Variants in MGAM2 observed in about 807,000 individuals in gnomAD.
MGAM2 encodes the protein maltase-glucoamylase 2 (putative), also known as probable maltase-glucoamylase 2.
In MGAM2, 98 loss-of-function variants were observed where a neutral mutation model predicts 96.1. That is an observed-to-expected ratio of 1.02 (90% CI 0.87 to 1.21). MGAM2 has a LOEUF of 1.21. Among genes scored for constraint, MGAM2 ranks in the 50% most tolerant of loss-of-function variants. MGAM2 has a pLI of 0.00. For synonymous variants in MGAM2, 749 were observed against 414.8 expected (o/e 1.81, Z -9.79); for missense variants, 2,055 against 1,182.4 (o/e 1.74, Z -10.82).
chr7:142,113,603 G>A (rs1176104153), intron 1 of MGAM2, among the ~76,000 whole-genome samples: 1 of 152,082 alleles, frequency 6.6e-6, no homozygotes, highest in Non-Finnish European at 1.5e-5. Flanking sequence ...AAATTGGCAG[G>A]AACTGGGAGT....
chr7:142,176,496 G>A (rs1288781263), intron 32 of MGAM2, among the ~76,000 whole-genome samples: 1 of 152,112 alleles, frequency 6.6e-6, no homozygotes, highest in Non-Finnish European at 1.5e-5. Flanking sequence ...GTCTAAATTA[G>A]CAAGGCAGTG....
Position 142,116,308 on chromosome 7 carries a change from G to T in MGAM2, c.1-566G>T, listed in dbSNP as rs142181125. Reference sequence around the variant, plus strand: ...GCCACGAAATTTATGTGAGTTGTTTGCTGTGAACCTCCCAGCAAGACTTAT... The same window carrying T: ...GCCACGAAATTTATGTGAGTTGTTTTCTGTGAACCTCCCAGCAAGACTTAT... On this transcript the variant is annotated intron_variant, in intron 1 of 47. Coordinates refer to ENST00000477922, the MANE Select transcript of MGAM2 (RefSeq NM_001293626.2). Among the ~76,000 whole-genome samples the T allele has an allele frequency of 1.6e-3, 251 of 152,284 alleles. 4 individuals are homozygous for T. In the South Asian group the frequency reaches 0.034, roughly 20 times the overall value.
chr7:142,141,104 C>A lies in MGAM2; in HGVS notation c.1302C>A (p.Gly434=). The part of the protein sequence containing the change: ...LKRVWILGSN[G]FAVGEGYPGP... ...GAGTGTGGATCTTGGGGAGCAATGG[C>A]TTTGCTGTTGGGGAGGTAATTTCTT... is the stretch of plus-strand genomic sequence containing the variant. Residue 434 remains glycine (G), a synonymous_variant, in exon 12 of 48, where the codon GGC becomes GGA. Coordinates refer to ENST00000477922, the MANE Select transcript of MGAM2 (RefSeq NM_001293626.2). 1.5e-6 allele frequency: 1 copy of A among 677,520 alleles called. No individual in the cohort carries two copies. Among genetic ancestry groups the A allele is most frequent in the Non-Finnish European group, 2.7e-6 (1 of 373,250 alleles). The allele number at this position is 677,520 out of a possible 1,614,324, so 42.0% of individuals were successfully genotyped here.
At chr7:142,172,610 C>T in intron 29 of MGAM2, 42 bp from the exon 30 acceptor site, 1 of 651,546 alleles carries the variant, frequency 1.5e-6, no homozygotes, top group Non-Finnish European at 2.8e-6. Flanking sequence ...GGGCAATTTA[C>T]AACTCCAAGG....
rs1365169352 is a variant in MGAM2, at chr7:142,220,285, C to A, written c.5774C>A (p.Pro1925Gln). The change falls in exon 48 of 48, where the codon CCA becomes CAA. Residue 1925 changes from proline to glutamine, a missense_variant. By Grantham distance (76) the Pro-to-Gln change is moderately conservative (BLOSUM62 -1). Transcript: ENST00000477922. The part of the protein sequence containing the change: ...ATVPNTTAPF[P>Q]TNASTASTNA... ...GTTCCCAATACAACTGCCCCTTTCCCAACAAATGCTAGTACTGCTAGCACT... is the reference window on the plus strand; with the variant it reads ...GTTCCCAATACAACTGCCCCTTTCCAAACAAATGCTAGTACTGCTAGCACT... The A allele has an allele frequency of 1.4e-6, 1 of 702,538 alleles. No individual in the cohort carries two copies. Among genetic ancestry groups the A allele is most frequent in the Non-Finnish European group, 2.6e-6 (1 of 384,886 alleles). The allele number at this position is 702,538 out of a possible 1,614,324, so 43.5% of individuals were successfully genotyped here.
At chr7:142,188,109 AACACACACACACAC>A (rs60052742) in intron 36 of MGAM2, among the ~76,000 whole-genome samples, 21 of 143,660 alleles carry the variant, frequency 1.5e-4, no homozygotes, top group East Asian at 4.2e-4. Flanking sequence ...TAAACCCTTA[AACACACACACACAC>A]ACACACACAC....
At chr7:142,139,202 T>A (rs1795145263) in intron 10 of MGAM2, among the ~76,000 whole-genome samples, 1 of 152,192 alleles carries the variant, frequency 6.6e-6, no homozygotes. Context: ...GCTTCATGGT[T>A]GCATCAGTGT....
At chr7:142,173,014 T>C (rs544859831) in intron 30 of MGAM2, among the ~76,000 whole-genome samples, 1 of 152,312 alleles carries the variant, frequency 6.6e-6, no homozygotes, top group African/African-American at 2.4e-5. Context: ...TCAGGTTTCC[T>C]AGAATGAAAA....
intron 44 of MGAM2, 114 bp from the exon 45 acceptor site, chr7:142,199,766 A>G: frequency 2.1e-6 from 1 of 473,150 alleles, no homozygotes; most frequent in Non-Finnish European, 3.7e-6. Flanking sequence ...CTTTATATGC[A>G]TATTTAATAC....
chr7:142,156,818 A>C (rs764751491), intron 17 of MGAM2, among the ~76,000 whole-genome samples: 11 of 152,242 alleles, frequency 7.2e-5, no homozygotes, highest in Non-Finnish European at 1.3e-4. Context: ...TCAGTAACGC[A>C]GTATAGGATG....
intron 27 of MGAM2, among the ~76,000 whole-genome samples, chr7:142,170,698 T>G (rs977858197): frequency 1.3e-5 from 2 of 152,178 alleles, no homozygotes; most frequent in Non-Finnish European, 2.9e-5. Flanking sequence ...AATTGTCATC[T>G]CCCATCTCTT....
intron 45 of MGAM2, among the ~76,000 whole-genome samples, chr7:142,203,519 A>G (rs1167073325): frequency 6.6e-6 from 1 of 152,136 alleles, no homozygotes; most frequent in Non-Finnish European, 1.5e-5. Flanking sequence ...CTATGGAACC[A>G]GAAAAAGAGC....
At chr7:142,180,388 G>T (rs1231824904) in intron 32 of MGAM2, among the ~76,000 whole-genome samples, 1 of 144,764 alleles carries the variant, frequency 6.9e-6, no homozygotes, top group South Asian at 2.4e-4. Flanking sequence ...TTTCTTCTGC[G>T]ATCTTTGGGG....
At chr7:142,204,283 T>C (rs1276642455) in intron 45 of MGAM2, among the ~76,000 whole-genome samples, 4 of 152,124 alleles carry the variant, frequency 2.6e-5, no homozygotes, top group Non-Finnish European at 4.4e-5. Flanking sequence ...AGTTTATGGA[T>C]AATATATTAT....
chr7:142,142,548 T>TTTTTTTG (rs1795262903), intron 12 of MGAM2, among the ~76,000 whole-genome samples: 1 of 146,522 alleles, frequency 6.8e-6, no homozygotes, highest in African/African-American at 2.5e-5. Flanking sequence ...TTTTTTTTTT[T>TTTTTTTG]GAGATGGAGT....
rs1235821499 is a variant in MGAM2 at position 142,173,234 on chromosome 7, T to G, written c.3567T>G (p.Ile1189Met). 1.4e-6 allele frequency: 1 copy of G among 703,030 alleles called. No individual in the cohort carries two copies. The highest frequency in any genetic ancestry group is 2.7e-5 in the East Asian group (1 of 37,276). The allele number at this position is 703,030 out of a possible 1,614,324, so 43.5% of individuals were successfully genotyped here. A position where few individuals can be genotyped will look rare whatever the true frequency, so the allele number is the denominator to read the frequency against. The change falls in exon 31 of 48, where the codon ATT (isoleucine) becomes ATG (methionine). Residue 1189 changes from isoleucine to methionine, a missense_variant. By Grantham distance (10) the Ile-to-Met change is conservative. Transcript: ENST00000477922. ...ELVTQQYTELIGRPAMIPYWA... is the reference protein window; with the variant it reads ...ELVTQQYTELMGRPAMIPYWA... ...CATTTTTCTTTTTATTCTAGTTGAT[T>G]GGTCGGCCAGCAATGATTCCATACT...
At chr7:142,154,511 C>G (rs191964810) in intron 16 of MGAM2, among the ~76,000 whole-genome samples, 221 of 152,232 alleles carry the variant, frequency 1.5e-3, no homozygotes, top group Non-Finnish European at 2.1e-3. Flanking sequence ...TAAGGAACAG[C>G]CTCAACACAA....
chr7:142,117,581 A>G (rs1042474917), intron 2 of MGAM2, among the ~76,000 whole-genome samples: 2 of 152,168 alleles, frequency 1.3e-5, no homozygotes, highest in African/African-American at 4.8e-5. Context: ...GTTCTGCTTG[A>G]CAAGCTCACT....
chr7:142,181,732 A>G (rs1447056905), intron 32 of MGAM2, among the ~76,000 whole-genome samples: 1 of 152,136 alleles, frequency 6.6e-6, no homozygotes, highest in African/African-American at 2.4e-5. Context: ...GTTGTGGGGT[A>G]TGTCTGGGGG....
Sources: allele counts gnomAD v4.1 joint callset (sites outside exome capture counted in the v4.1 genomes callset), GRCh38; gene constraint gnomAD v4.1.1; transcripts MANE v1.5; gene names NCBI Gene and HGNC (gene_info 2026-07-23, HGNC 2026-07-21).